Variants in DCAF10 observed in about 807,000 individuals in gnomAD.
The protein encoded by DCAF10 is DDB1 and CUL4 associated factor 10, also known as DDB1- and CUL4-associated factor 10.
Under a neutral mutation model 51.9 loss-of-function variants are expected in DCAF10, and 19 were observed. The ratio of observed to expected loss-of-function variants is 0.37; its 90% confidence interval spans 0.26 to 0.54. DCAF10 has a LOEUF of 0.54. Ranked by LOEUF, DCAF10 falls within the 20% of genes least tolerant of loss-of-function variation. The pLI is 0.87. For synonymous variants in DCAF10, 291 were observed against 297.1 expected, an observed-to-expected ratio of 0.98 and a Z score of 0.21; for missense variants, 510 against 730.6, an observed-to-expected ratio of 0.70 and a Z score of 3.48.
At chr9:37,844,250 G>A (rs1417725065) in intron 3 of DCAF10, among the ~76,000 whole-genome samples, 2 of 152,352 alleles carry the variant, frequency 1.3e-5, no homozygotes, top group Admixed American at 1.3e-4. Context: ...GCCGGGCATG[G>A]TGGCTCACGC....
At chr9:37,814,705 A>G (rs910185996) in intron 1 of DCAF10, among the ~76,000 whole-genome samples, 3 of 152,238 alleles carry the variant, frequency 2.0e-5, no homozygotes, top group Admixed American at 6.5e-5. Context: ...TTAGTAAAAG[A>G]TTAGAAAGTA....
At position 37,801,858 on chromosome 9, in the gene DCAF10, G is replaced by A. The variant is rs1828960812; in HGVS notation, c.539+453G>A. Among the ~76,000 whole-genome samples the A allele has an allele frequency of 1.3e-5, 2 of 152,202 alleles. No individual in the cohort carries two copies. The highest frequency in any genetic ancestry group is 2.4e-5 in the African/African-American group (1 of 41,444). ...CTGTACCTGAACTTGCCATGATGGG[G>A]CAAGTGCGTTCCTTTGCTCAAGGAA... On this transcript the variant is annotated intron_variant, in intron 1 of 6. Transcript: ENST00000377724. The surrounding 1 kb of genome is among the most constrained non-coding windows in gnomAD (Gnocchi z 5.5).
rs1831071800 is a variant in DCAF10 at position 37,863,571 on chromosome 9, G to T, written c.*2063G>T. ...TGAATTCCAGTCTTCTAATTCCTTG[G>T]TCAGGGCAATTTCTACTGTGTTATG... On this transcript the variant is annotated 3_prime_UTR_variant, in exon 7 of 7. Coordinates refer to ENST00000377724, the MANE Select transcript of DCAF10 (RefSeq NM_024345.5). 1 of 152,000 alleles carries T rather than the reference G, an allele frequency of 6.6e-6. No individual in the cohort carries two copies. The highest frequency in any genetic ancestry group is 2.4e-5 in the African/African-American group (1 of 41,350). 9.4% of individuals were successfully genotyped at this position (152,000 alleles called of 1,614,324 possible). A position where few individuals can be genotyped will look rare whatever the true frequency, so the allele number is the denominator to read the frequency against.
At position 37,865,494 on chromosome 9, in the gene DCAF10, T is replaced by C. The variant is rs941605351; in HGVS notation, c.*3986T>C. 4 of 152,238 alleles carry C rather than the reference T, an allele frequency of 2.6e-5. No individual in the cohort carries two copies. The highest frequency in any genetic ancestry group is 9.6e-5 in the African/African-American group (4 of 41,468). 9.4% of individuals were successfully genotyped at this position (152,238 alleles called of 1,614,324 possible). On this transcript the variant is annotated 3_prime_UTR_variant, in exon 7 of 7. Coordinates refer to ENST00000377724, the MANE Select transcript of DCAF10 (RefSeq NM_024345.5). ...CTAATCTGATGTTTTTTACTCTGAA[T>C]TTTATTCAGTAATTTTTATTCATAA... is the stretch of plus-strand genomic sequence containing the variant.
At chr9:37,820,684 C>T (rs1301402983) in intron 2 of DCAF10, among the ~76,000 whole-genome samples, 2 of 151,844 alleles carry the variant, frequency 1.3e-5, no homozygotes, top group African/African-American at 4.8e-5. Context: ...GGACTGGGGG[C>T]CCAGATGGCC....
intron 2 of DCAF10, among the ~76,000 whole-genome samples, chr9:37,839,361 AT>A (rs990362755): frequency 5.3e-5 from 8 of 151,752 alleles, no homozygotes; most frequent in African/African-American, 1.7e-4. Flanking sequence ...CGCCCAGCCG[AT>A]TTTTTTTCAT....
At position 37,865,466 on chromosome 9, in the gene DCAF10, AATCT is replaced by A. The variant is rs1831117684; in HGVS notation, c.*3960_*3963del. On this transcript the variant is annotated 3_prime_UTR_variant, in exon 7 of 7. Coordinates refer to ENST00000377724, the MANE Select transcript of DCAF10 (RefSeq NM_024345.5). Reference sequence around the variant, plus strand: ...AAAGCCCCATTTCACTTAAGAGTAAAATCTAATCTGATGTTTTTTACTCTGAATT... The same window carrying A: ...AAAGCCCCATTTCACTTAAGAGTAAAAATCTGATGTTTTTTACTCTGAATT... 1 of 152,190 alleles carries A rather than the reference AATCT, an allele frequency of 6.6e-6. No homozygotes were observed. Among genetic ancestry groups the A allele is most frequent in the Admixed American group, 6.5e-5 (1 of 15,278 alleles). 9.4% of individuals were successfully genotyped at this position (152,190 alleles called of 1,614,324 possible). A position where few individuals can be genotyped will look rare whatever the true frequency, so the allele number is the denominator to read the frequency against.
chr9:37,831,234 T>C (rs1390778670), intron 2 of DCAF10, among the ~76,000 whole-genome samples: 2 of 152,102 alleles, frequency 1.3e-5, no homozygotes, highest in Non-Finnish European at 2.9e-5. Context: ...AAGAAAGTTT[T>C]GAGTGAAGAT....
chr9:37,857,196 CA>C, intron 4 of DCAF10, 44 bp from the exon 5 acceptor site: 1 of 1,437,942 alleles, frequency 7.0e-7, no homozygotes, highest in Non-Finnish European at 9.4e-7. Flanking sequence ...GAGCCACTAC[CA>C]GAGTTATGCT....
chr9:37,802,741 C>T (rs2119006753), intron 1 of DCAF10, among the ~76,000 whole-genome samples: 1 of 152,264 alleles, frequency 6.6e-6, no homozygotes, highest in East Asian at 1.9e-4. Context: ...GAGCATGTAG[C>T]AGTGGATGCA....
chr9:37,834,967 A>G (rs948146540), intron 2 of DCAF10, among the ~76,000 whole-genome samples: 19 of 151,866 alleles, frequency 1.3e-4, no homozygotes, highest in African/African-American at 4.3e-4. Context: ...GGTATTTTTC[A>G]TAGAGACGAG....
At position 37,864,107 on chromosome 9, in the gene DCAF10, GA is replaced by G. The variant is rs1436688203; in HGVS notation, c.*2602del. The stretch of plus-strand genomic sequence containing the variant: ...TCCAGACCAGTCTGGGCAACATGGC[GA>G]AACCCCATCTCTACCAAAAATACAA... On this transcript the variant is annotated 3_prime_UTR_variant, in exon 7 of 7. Coordinates refer to ENST00000377724, the MANE Select transcript of DCAF10 (RefSeq NM_024345.5). 2 of 152,076 alleles carry G rather than the reference GA, an allele frequency of 1.3e-5. No individual in the cohort carries two copies. Among genetic ancestry groups the G allele is most frequent in the Non-Finnish European group, 2.9e-5 (2 of 68,088 alleles). 9.4% of individuals were successfully genotyped at this position (152,076 alleles called of 1,614,324 possible).
chr9:37,813,619 T>C (rs1194915521), intron 1 of DCAF10, among the ~76,000 whole-genome samples: 1 of 152,232 alleles, frequency 6.6e-6, no homozygotes, highest in Non-Finnish European at 1.5e-5. Flanking sequence ...TGTCAAGGCA[T>C]ACCACTGCTA....
At chr9:37,805,233 G>A (rs1338355822) in intron 1 of DCAF10, among the ~76,000 whole-genome samples, 2 of 152,192 alleles carry the variant, frequency 1.3e-5, no homozygotes, top group Non-Finnish European at 2.9e-5. Context: ...TGTAATCCCA[G>A]CACTTTGGGA....
intron 2 of DCAF10, among the ~76,000 whole-genome samples, chr9:37,820,529 T>G (rs1219595113): frequency 6.6e-6 from 1 of 152,218 alleles, no homozygotes; most frequent in Non-Finnish European, 1.5e-5. Flanking sequence ...CCCGAGACTA[T>G]AAGTTTTAGC....
chr9:37,836,487 G>C, intron 2 of DCAF10: 1 of 1,049,134 alleles, frequency 9.5e-7, no homozygotes, highest in Non-Finnish European at 1.5e-6. Flanking sequence ...CAGCTGAGAT[G>C]ATTTGAGTCT....
chr9:37,822,155 T>C (rs914735307), intron 2 of DCAF10, among the ~76,000 whole-genome samples: 1 of 152,140 alleles, frequency 6.6e-6, no homozygotes, highest in Non-Finnish European at 1.5e-5. Flanking sequence ...GGAACACTTC[T>C]ACACTGCTGG....
At chr9:37,835,576 CAA>C (rs1005624842) in intron 2 of DCAF10, among the ~76,000 whole-genome samples, 2 of 141,800 alleles carry the variant, frequency 1.4e-5, no homozygotes, top group Admixed American at 7.0e-5. Context: ...AGACTCCGTC[CAA>C]AAAAAAAAAG....
At chr9:37,837,183 G>A (rs1195646103) in intron 2 of DCAF10, among the ~76,000 whole-genome samples, 2 of 152,140 alleles carry the variant, frequency 1.3e-5, no homozygotes, top group African/African-American at 2.4e-5. Context: ...AAAGCAGGCC[G>A]GGCACGGTGG....
Sources: gnomAD v4.1 joint callset for allele counts (sites outside exome capture counted in the v4.1 genomes callset) on GRCh38, gnomAD v4.1.1 for gene constraint, Gnocchi (gnomAD v3.1) non-coding constraint, MANE v1.5 for transcripts, NCBI Gene and HGNC (gene_info 2026-07-23, HGNC 2026-07-21) for gene names.